Variants in CCDC148 observed in about 807,000 individuals in gnomAD.
CCDC148 encodes the protein coiled-coil domain-containing protein 148.
A neutral mutation model predicts 85.7 loss-of-function variants in CCDC148; 89 were observed. That is an observed-to-expected ratio of 1.04 (90% CI 0.87 to 1.24). The LOEUF (loss-of-function observed/expected upper bound fraction) is 1.24. Among genes scored for constraint, CCDC148 ranks in the 50% most tolerant of loss-of-function variants. The pLI, the probability that CCDC148 is intolerant of heterozygous loss-of-function variation, is 0.00. For synonymous variants in CCDC148, 230 were observed against 213.9 expected (o/e 1.08, Z -0.66); for missense variants, 692 against 671.7 (o/e 1.03, Z -0.33).
At chr2:158,352,936 A>C (rs1683401242) in intron 2 of CCDC148, among the ~76,000 whole-genome samples, 1 of 151,110 alleles carries the variant, frequency 6.6e-6, no homozygotes, top group African/African-American at 2.4e-5. Context: ...ATTCTTAAAG[A>C]AAAGAATTTT....
intron 3 of CCDC148, among the ~76,000 whole-genome samples, chr2:158,344,102 TGAACACC>T (rs1682874895): frequency 6.6e-6 from 1 of 152,072 alleles, no homozygotes; most frequent in South Asian, 2.1e-4. Context: ...TTTGAATCAG[TGAACACC>T]ACAATTAAAG....
intron 1 of CCDC148, among the ~76,000 whole-genome samples, chr2:158,442,337 ATAT>A (rs563272351): frequency 7.5e-4 from 114 of 152,284 alleles, no homozygotes; most frequent in African/African-American, 2.5e-3. Context: ...AACTGGAATA[ATAT>A]TATAAATAGG....
intron 9 of CCDC148, among the ~76,000 whole-genome samples, chr2:158,304,300 C>T (rs2105202851): frequency 6.6e-6 from 1 of 152,232 alleles, no homozygotes; most frequent in East Asian, 1.9e-4. Context: ...GGGTGACTGA[C>T]ACTGTCCTAA....
intron 9 of CCDC148, among the ~76,000 whole-genome samples, chr2:158,263,268 G>A (rs924583989): frequency 2.0e-5 from 3 of 152,030 alleles, no homozygotes; most frequent in Admixed American, 1.3e-4. Context: ...TTATGTATGT[G>A]TATAATTTTC....
intron 11 of CCDC148, among the ~76,000 whole-genome samples, chr2:158,207,120 CT>C (rs1451416260): frequency 6.6e-6 from 1 of 152,222 alleles, no homozygotes; most frequent in East Asian, 1.9e-4. Flanking sequence ...TTTGGGCCAA[CT>C]GTGTATCCAT....
chr2:158,225,522 A>C (rs1488126938), intron 10 of CCDC148, among the ~76,000 whole-genome samples: 1 of 152,172 alleles, frequency 6.6e-6, no homozygotes, highest in Non-Finnish European at 1.5e-5. Flanking sequence ...GCACCACACC[A>C]CACTTATTTC....
intron 2 of CCDC148, among the ~76,000 whole-genome samples, chr2:158,349,957 C>T (rs965429358): frequency 6.8e-6 from 1 of 146,592 alleles, no homozygotes; most frequent in South Asian, 2.1e-4. Context: ...AGACTGTGAA[C>T]CATTTTCATT....
intron 1 of CCDC148, among the ~76,000 whole-genome samples, chr2:158,397,469 A>G (rs1685574199): frequency 6.6e-6 from 1 of 152,186 alleles, no homozygotes; most frequent in Non-Finnish European, 1.5e-5. Flanking sequence ...GTGGGGGCCA[A>G]TATTCAACAT....
At chr2:158,259,600 T>C (rs1258046159) in intron 9 of CCDC148, among the ~76,000 whole-genome samples, 1 of 136,440 alleles carries the variant, frequency 7.3e-6, no homozygotes, top group South Asian at 2.6e-4. Flanking sequence ...TTTTCACACA[T>C]TTTTGCTTCC....
At chr2:158,308,349 A>T (rs1190716522) in intron 9 of CCDC148, among the ~76,000 whole-genome samples, 1 of 152,246 alleles carries the variant, frequency 6.6e-6, no homozygotes, top group African/African-American at 2.4e-5. Flanking sequence ...TGTGTTTCTT[A>T]TCAGCCTGAA....
At chr2:158,245,982 G>C (rs189793819) in intron 10 of CCDC148, among the ~76,000 whole-genome samples, 1 of 152,166 alleles carries the variant, frequency 6.6e-6, no homozygotes, top group East Asian at 1.9e-4. Flanking sequence ...AAGAAAAAGT[G>C]ATTTAAGGAG....
At chr2:158,292,871 A>G (rs1690958365) in intron 9 of CCDC148, among the ~76,000 whole-genome samples, 1 of 152,250 alleles carries the variant, frequency 6.6e-6, no homozygotes, top group Non-Finnish European at 1.5e-5. Flanking sequence ...AAATTATCAG[A>G]GAACATAAAG....
intron 7 of CCDC148, among the ~76,000 whole-genome samples, chr2:158,326,532 T>C (rs1383073738): frequency 6.6e-6 from 1 of 152,202 alleles, no homozygotes; most frequent in African/African-American, 2.4e-5. Context: ...GAAGGATAAG[T>C]CAGTCATATC....
intron 11 of CCDC148, among the ~76,000 whole-genome samples, chr2:158,184,476 A>C (rs574371072): frequency 6.6e-6 from 1 of 152,262 alleles, no homozygotes; most frequent in African/African-American, 2.4e-5. Flanking sequence ...AGTTTACATA[A>C]TTTGTGGTCT....
chr2:158,330,469 C>A (rs927146142), intron 7 of CCDC148, among the ~76,000 whole-genome samples: 1 of 152,004 alleles, frequency 6.6e-6, no homozygotes, highest in Non-Finnish European at 1.5e-5. Context: ...CTAAAATTTT[C>A]TTTTTTTGTT....
intron 9 of CCDC148, among the ~76,000 whole-genome samples, chr2:158,282,601 A>G (rs934950404): frequency 2.0e-5 from 3 of 152,220 alleles, no homozygotes; most frequent in African/African-American, 4.8e-5. Context: ...AAGGAGAACT[A>G]CAAACCACTG....
intron 1 of CCDC148, among the ~76,000 whole-genome samples, chr2:158,439,219 A>G (rs1687818956): frequency 6.6e-6 from 1 of 152,238 alleles, no homozygotes; most frequent in Admixed American, 6.5e-5. Context: ...AAGGCTTGGT[A>G]CCAACCCAAA....
intron 2 of CCDC148, among the ~76,000 whole-genome samples, chr2:158,355,019 A>T (rs1382670709): frequency 6.6e-6 from 1 of 152,192 alleles, no homozygotes; most frequent in East Asian, 1.9e-4. Flanking sequence ...CCTGTGACAA[A>T]ATTCAACAAT....
chr2:158,310,570 C>T (rs990023507), intron 8 of CCDC148, among the ~76,000 whole-genome samples: 22 of 151,128 alleles, frequency 1.5e-4, no homozygotes, highest in East Asian at 1.4e-3. Context: ...CCAGACAGGG[C>T]GGCTGCCGGG....
Sources: allele counts gnomAD v4.1 joint callset (sites outside exome capture counted in the v4.1 genomes callset), GRCh38; gene constraint gnomAD v4.1.1; transcripts MANE v1.5; gene names NCBI Gene and HGNC (gene_info 2026-07-23, HGNC 2026-07-21).